The following PRR16 variants were observed in gnomAD, a reference collection of about 807,000 sequenced individuals.
PRR16 encodes proline rich 16, also known as protein Largen.
In PRR16, 6 loss-of-function variants were observed where a neutral mutation model predicts 18.2. The ratio of observed to expected loss-of-function variants is 0.33; its 90% CI spans 0.18 to 0.65. The LOEUF (loss-of-function observed/expected upper bound fraction) is 0.65. PRR16 is among the 30% of genes least tolerant of loss of function. The pLI is 0.74. For missense variants in PRR16, 412 were observed against 376.6 expected (o/e 1.09, Z -0.78); for synonymous variants, 151 against 147.8 (o/e 1.02, Z -0.16).
intron 1 of PRR16, among the ~76,000 whole-genome samples, chr5:120,628,872 A>G (rs1311943456): frequency 6.6e-6 from 1 of 152,026 alleles, no homozygotes; most frequent in Non-Finnish European, 1.5e-5. Context: ...ATGTCACTTA[A>G]AGAGATACTT....
intron 1 of PRR16, among the ~76,000 whole-genome samples, chr5:120,589,312 C>A (rs1430269592): frequency 3.3e-5 from 5 of 152,122 alleles, no homozygotes; most frequent in African/African-American, 1.2e-4. Context: ...GCGGATGCCA[C>A]TCTCTTTAAA....
At chr5:120,758,974 C>CTTTT in the PRR16 span, among the ~76,000 whole-genome samples, 27 of 110,346 alleles carry the variant, frequency 2.4e-4, 1 homozygote, top group Non-Finnish European at 3.4e-4. Context: ...ACCATAATTT[C>CTTTT]TTTTTTTTTT....
intron 1 of PRR16, among the ~76,000 whole-genome samples, chr5:120,466,367 C>A (rs950992316): frequency 1.3e-5 from 2 of 152,112 alleles, no homozygotes; most frequent in African/African-American, 4.8e-5. Flanking sequence ...TTTCTATGGG[C>A]GATGTGGAAA....
intron 1 of PRR16, among the ~76,000 whole-genome samples, chr5:120,600,202 ATGTT>A (rs1419528490): frequency 6.6e-6 from 1 of 151,616 alleles, no homozygotes; most frequent in Non-Finnish European, 1.5e-5. Flanking sequence ...ATTATCTACT[ATGTT>A]TGTAGGAGAA....
intron 1 of PRR16, among the ~76,000 whole-genome samples, chr5:120,564,043 A>C (rs143680382): frequency 2.0e-5 from 3 of 151,870 alleles, no homozygotes; most frequent in African/African-American, 7.2e-5. Context: ...TGGAAATCTC[A>C]TCCAGGAGCT....
intron 1 of PRR16, among the ~76,000 whole-genome samples, chr5:120,500,505 C>A (rs1420291742): frequency 6.6e-6 from 1 of 152,108 alleles, no homozygotes; most frequent in Non-Finnish European, 1.5e-5. Context: ...CATTTTAAGA[C>A]CAAAACATTA....
the PRR16 span, among the ~76,000 whole-genome samples, chr5:120,774,776 G>T: frequency 6.6e-6 from 1 of 152,054 alleles, no homozygotes; most frequent in Admixed American, 6.6e-5. Context: ...TTAAGCTAAG[G>T]TCCCTGCAAT....
At chr5:120,768,786 G>C in the PRR16 span, among the ~76,000 whole-genome samples, 1 of 151,758 alleles carries the variant, frequency 6.6e-6, no homozygotes, top group Non-Finnish European at 1.5e-5. Flanking sequence ...GTAAGAGCAA[G>C]AAAATAATCT....
At chr5:120,489,472 A>C (rs1374723894) in intron 1 of PRR16, among the ~76,000 whole-genome samples, 1 of 152,142 alleles carries the variant, frequency 6.6e-6, no homozygotes, top group African/African-American at 2.4e-5. Context: ...CTAGGATTGC[A>C]GCCCCTGCCT....
chr5:120,761,046 A>G, the PRR16 span, among the ~76,000 whole-genome samples: 2 of 152,104 alleles, frequency 1.3e-5, no homozygotes, highest in Admixed American at 1.3e-4. Flanking sequence ...TCTTAATGGG[A>G]TAAAATATTA....
At chr5:120,598,590 C>T (rs77264821) in intron 1 of PRR16, among the ~76,000 whole-genome samples, 8,888 of 151,874 alleles carry the variant, frequency 0.059, 338 homozygotes, top group South Asian at 0.084. Context: ...ACACTGCCCC[C>T]TCTAGTAGTC....
rs533829764 is a variant in PRR16 at position 120,652,111 on chromosome 5, T to G, written c.160-33843T>G. On this transcript the variant is annotated intron_variant, in intron 1 of 1. Transcript: ENST00000407149. ...TATACTTTCAAGTTCTTTCACTTGG[T>G]TTTGTGTAGACTTCATTTATGACTG... Among the ~76,000 whole-genome samples the G allele has an allele frequency of 3.0e-4, 46 of 152,234 alleles. No individual in the cohort carries two copies. In the South Asian group the frequency reaches 4.8e-3, roughly 16 times the overall value.
chr5:120,785,815 C>T, the PRR16 span, among the ~76,000 whole-genome samples: 5 of 151,370 alleles, frequency 3.3e-5, no homozygotes, highest in African/African-American at 7.2e-5. Context: ...GTGATCCGTC[C>T]GCCTCGGACT....
intron 1 of PRR16, among the ~76,000 whole-genome samples, chr5:120,537,465 A>C (rs912971698): frequency 6.6e-6 from 1 of 152,142 alleles, no homozygotes; most frequent in Admixed American, 6.5e-5. Context: ...AAACTCAGTG[A>C]ATCTCCAGCA....
At chr5:120,671,725 G>T (rs983008848) in intron 1 of PRR16, among the ~76,000 whole-genome samples, 1 of 152,022 alleles carries the variant, frequency 6.6e-6, no homozygotes, top group African/African-American at 2.4e-5. Flanking sequence ...ATTGATAAGT[G>T]TAATACTGTA....
intron 1 of PRR16, among the ~76,000 whole-genome samples, chr5:120,625,654 G>C (rs763181632): frequency 5.3e-5 from 8 of 152,028 alleles, no homozygotes; most frequent in Non-Finnish European, 1.2e-4. Flanking sequence ...TAAGTTCTTT[G>C]CTCTCCCCCG....
chr5:120,723,611 C>G, the PRR16 span, among the ~76,000 whole-genome samples: 1 of 151,862 alleles, frequency 6.6e-6, no homozygotes, highest in African/African-American at 2.4e-5. Context: ...TTGTGCCAGA[C>G]AGAAATAAGA....
chr5:120,676,518 A>ATGTGTGTG lies in PRR16; in HGVS notation c.160-9435_160-9434insGTGTGTGT, dbSNP rs1297345363. On this transcript the variant is annotated intron_variant, in intron 1 of 1. Transcript: ENST00000407149. ...GATTATGTTTATTTTATATATATAT[A>ATGTGTGTG]TATATGTGTGTGTGTGTGTGTGTGT... Among the ~76,000 whole-genome samples the ATGTGTGTG allele has an allele frequency of 1.6e-4, 6 of 36,954 alleles. No homozygotes were observed. The South Asian group carries it at 6.4e-3, about 40-fold the overall frequency. The allele number at this position is 36,954 out of a possible 152,430, so 24.2% of individuals were successfully genotyped here. A position where few individuals can be genotyped will look rare whatever the true frequency, so the allele number is the denominator to read the frequency against.
chr5:120,703,756 G>C, the PRR16 span, among the ~76,000 whole-genome samples: 1 of 152,156 alleles, frequency 6.6e-6, no homozygotes, highest in Admixed American at 6.5e-5. Flanking sequence ...TTTTCTTATT[G>C]ATGGTTAAAA....
Sources: gnomAD v4.1 joint callset for allele counts (sites outside exome capture counted in the v4.1 genomes callset) on GRCh38, gnomAD v4.1.1 for gene constraint, MANE v1.5 for transcripts, NCBI Gene and HGNC (gene_info 2026-07-23, HGNC 2026-07-21) for gene names.